TICAM2: variants seen among roughly 807,000 people sequenced by gnomAD.
The protein encoded by TICAM2 is TIR domain-containing adapter molecule 2.
TICAM2 carries 8 observed loss-of-function variants against 7.3 expected under a neutral mutation model. The ratio of observed to expected loss-of-function variants is 1.10; its 90% CI spans 0.65 to 1.99. The LOEUF (loss-of-function observed/expected upper bound fraction) is 1.99. Among genes scored for constraint, TICAM2 ranks in the 30% most tolerant of loss-of-function variants. TICAM2 has a pLI of 0.00. For missense variants in TICAM2, 304 were observed against 278.8 expected (o/e 1.09, Z -0.65); for synonymous variants, 113 against 99.6 (o/e 1.13, Z -0.80).
intron 1 of TICAM2, among the ~76,000 whole-genome samples, chr5:115,596,507 A>G (rs1039151076): frequency 2.6e-5 from 4 of 152,212 alleles, no homozygotes; most frequent in African/African-American, 9.6e-5. Context: ...AGTTGTCAGA[A>G]TCAAAGTGGA....
chr5:115,587,493 A>G (rs1464640191), intron 1 of TICAM2, among the ~76,000 whole-genome samples: 1 of 152,180 alleles, frequency 6.6e-6, no homozygotes, highest in Non-Finnish European at 1.5e-5. Context: ...AAGATGCTAG[A>G]CTGGGAGAAC....
Position 115,581,468 on chromosome 5 carries a change from A to G in TICAM2, c.-59-153T>C, listed in dbSNP as rs146237709. 4.3e-4 allele frequency among the ~76,000 whole-genome samples: 66 copies of G among 152,330 alleles called. 1 individual carries two copies. Among genetic ancestry groups the G allele is most frequent in the African/African-American group, 1.5e-3 (63 of 41,582 alleles). ...AGATAATTGGGAAGCTAAACTACTA[A>G]TCTTTTGTGAGCTTTACAAGGGCTA... On this transcript the variant is annotated intron_variant, in intron 1 of 1. Coordinates refer to ENST00000427199, the MANE Select transcript of TICAM2 (RefSeq NM_021649.7).
chr5:115,594,550 T>C (rs1034233008), intron 1 of TICAM2, among the ~76,000 whole-genome samples: 15 of 152,238 alleles, frequency 9.9e-5, no homozygotes, highest in African/African-American at 3.6e-4. Context: ...TTATTCAACT[T>C]ACTAAGTTTT....
chr5:115,581,477 G>A (rs1754921036), intron 1 of TICAM2, among the ~76,000 whole-genome samples, 162 bp from the exon 2 acceptor site: 1 of 152,130 alleles, frequency 6.6e-6, no homozygotes, highest in Non-Finnish European at 1.5e-5. Flanking sequence ...AATCTTTTGT[G>A]AGCTTTACAA....
At chr5:115,588,668 T>C (rs1169388411) in intron 1 of TICAM2, among the ~76,000 whole-genome samples, 3 of 152,242 alleles carry the variant, frequency 2.0e-5, no homozygotes, top group Non-Finnish European at 4.4e-5. Flanking sequence ...TACTAAAAAC[T>C]TTCATCTCCC....
intron 1 of TICAM2, among the ~76,000 whole-genome samples, chr5:115,598,215 T>C (rs1221880219): frequency 6.6e-6 from 1 of 152,198 alleles, no homozygotes; most frequent in East Asian, 1.9e-4. Flanking sequence ...AATAGTATCT[T>C]CCTTATATAT....
At position 115,580,860 on chromosome 5, in the gene TICAM2, C is replaced by A. The variant is rs769440018; in HGVS notation, c.397G>T (p.Ala133Ser). ...TCAGTCAGTAATAAGATTGTCCATG[C>A]AGACCCATTTACAGCATCATCTAAA... ...QNLDDAVNGS[A>S]WTILLLTENF... is the part of the protein sequence containing the mutation. Residue 133 changes from alanine to serine, a missense_variant, in exon 2 of 2, where the codon GCA becomes TCA. By Grantham distance (99) the Ala-to-Ser change is moderately conservative. Coordinates refer to ENST00000427199, the MANE Select transcript of TICAM2 (RefSeq NM_021649.7). 9 of 1,612,874 alleles carry A rather than the reference C, an allele frequency of 5.6e-6. No individual in the cohort carries two copies. Among genetic ancestry groups the A allele is most frequent in the Non-Finnish European group, 7.6e-6 (9 of 1,179,180 alleles).
intron 1 of TICAM2, among the ~76,000 whole-genome samples, chr5:115,598,006 T>C (rs77510597): frequency 0.046 from 6,975 of 152,294 alleles, 186 homozygotes; most frequent in Middle Eastern, 0.11. Flanking sequence ...TTCATATATA[T>C]GTGAAGAACT....
intron 1 of TICAM2, among the ~76,000 whole-genome samples, chr5:115,585,699 G>A (rs1755077787): frequency 6.6e-6 from 1 of 152,234 alleles, no homozygotes; most frequent in Non-Finnish European, 1.5e-5. Context: ...GTGCCGTGGG[G>A]CTGGAGGGAG....
intron 1 of TICAM2, among the ~76,000 whole-genome samples, chr5:115,594,004 T>C (rs1419292586): frequency 6.6e-6 from 1 of 152,228 alleles, no homozygotes; most frequent in Non-Finnish European, 1.5e-5. Flanking sequence ...TACTTTGCTC[T>C]ATGCGCTTTT....
At chr5:115,601,981 G>A (rs1028770391) in intron 1 of TICAM2, 116 bp downstream of exon 1, 1 of 152,198 alleles carries the variant, frequency 6.6e-6, no homozygotes, top group Non-Finnish European at 1.5e-5. Flanking sequence ...GGTCGGGTAG[G>A]CTGGGGAGGT....
Position 115,580,491 on chromosome 5 carries a change from T to G in TICAM2, c.*58A>C. 1 of 1,482,444 alleles carries G rather than the reference T, an allele frequency of 6.7e-7. No homozygotes were observed. Among genetic ancestry groups the G allele is most frequent in the Non-Finnish European group, 8.9e-7 (1 of 1,118,126 alleles). The allele number at this position is 1,482,444 out of a possible 1,614,324, so 91.8% of individuals were successfully genotyped here. A position where few individuals can be genotyped will look rare whatever the true frequency, so the allele number is the denominator to read the frequency against. On this transcript the variant is annotated 3_prime_UTR_variant, in exon 2 of 2. Transcript: ENST00000427199. ...ATTTCCTAGAAACTGCTTTCTCAAG[T>G]GAAGATTAATCATTTGGTTTACAAA...
chr5:115,580,713 G>A lies in TICAM2; in HGVS notation c.544C>T (p.Arg182Ter), dbSNP rs751304159. The A allele has an allele frequency of 1.4e-5, 23 of 1,598,334 alleles. No homozygotes were observed. The highest frequency in any genetic ancestry group is 1.2e-4 in the Admixed American group (7 of 56,556). Residue 182 changes from arginine (R) to a stop codon, truncating the protein, a stop_gained, in exon 2 of 2, where the codon CGA (arginine) becomes TGA (stop). Transcript: ENST00000427199. LOFTEE classifies it low-confidence loss of function (END_TRUNC). ...TGGAGGGCAAAGGGAGTCCTTTCTCGGGGAAGGGGATTGTTCAGGGGCCGC... is the reference window on the plus strand; with the variant it reads ...TGGAGGGCAAAGGGAGTCCTTTCTCAGGGAAGGGGATTGTTCAGGGGCCGC... ...PMRPLNNPLPRERTPFALQTI... is the reference protein window; with the variant it reads ...PMRPLNNPLP
At position 115,579,360 on chromosome 5, in the gene TICAM2, A is replaced by G. The variant is rs527560620; in HGVS notation, c.*1189T>C. 2 of 152,600 alleles carry G rather than the reference A, an allele frequency of 1.3e-5. No individual in the cohort carries two copies. The highest frequency in any genetic ancestry group is 3.9e-4 in the East Asian group (2 of 5,184). 9.5% of individuals were successfully genotyped at this position (152,600 alleles called of 1,614,324 possible). A position where few individuals can be genotyped will look rare whatever the true frequency, so the allele number is the denominator to read the frequency against. On this transcript the variant is annotated 3_prime_UTR_variant, in exon 2 of 2. Transcript: ENST00000427199. The stretch of plus-strand genomic sequence containing the variant: ...TTCATTTCACAGATAAAGGAGGGTA[A>G]ATAGTTTGCCCACAGTTACATTCAT...
At chr5:115,582,940 T>A (rs951358321) in intron 1 of TICAM2, among the ~76,000 whole-genome samples, 2 of 152,224 alleles carry the variant, frequency 1.3e-5, no homozygotes, top group African/African-American at 4.8e-5. Context: ...TGCCTCTGAC[T>A]AGTGAGGAAA....
chr5:115,578,929 TG>T lies in TICAM2; in HGVS notation c.*1619del, dbSNP rs1754817093. The T allele has an allele frequency of 6.6e-6, 1 of 152,608 alleles. No individual in the cohort carries two copies. The highest frequency in any genetic ancestry group is 1.5e-5 in the Non-Finnish European group (1 of 68,038). The allele number at this position is 152,608 out of a possible 1,614,324, so 9.5% of individuals were successfully genotyped here. ...GAATAGGAGGCTTGACTTACTTGCA[TG>T]CTCCTCATAGAACGTTTTGGTTCAT... On this transcript the variant is annotated 3_prime_UTR_variant, in exon 2 of 2. Coordinates refer to ENST00000427199, the MANE Select transcript of TICAM2 (RefSeq NM_021649.7).
chr5:115,589,306 G>A (rs1303059880), intron 1 of TICAM2, among the ~76,000 whole-genome samples: 2 of 152,238 alleles, frequency 1.3e-5, no homozygotes, highest in African/African-American at 2.4e-5. Context: ...TCAGGACACA[G>A]TAGAACAGAT....
At chr5:115,596,816 G>A (rs1201310415) in intron 1 of TICAM2, among the ~76,000 whole-genome samples, 1 of 152,176 alleles carries the variant, frequency 6.6e-6, no homozygotes, top group Non-Finnish European at 1.5e-5. Flanking sequence ...CTACTCGGGA[G>A]GCTGAGGCAG....
At chr5:115,590,045 T>A (rs1190973426) in intron 1 of TICAM2, among the ~76,000 whole-genome samples, 5 of 152,194 alleles carry the variant, frequency 3.3e-5, no homozygotes, top group African/African-American at 9.7e-5. Context: ...CTACATTTTT[T>A]AAATAATTAT....
Sources: gnomAD v4.1 joint callset for allele counts (sites outside exome capture counted in the v4.1 genomes callset) on GRCh38, gnomAD v4.1.1 for gene constraint, MANE v1.5 for transcripts, NCBI Gene and HGNC (gene_info 2026-07-23, HGNC 2026-07-21) for gene names.